The following STRN variants were observed in gnomAD, a reference collection of about 807,000 sequenced individuals.
The protein encoded by STRN is striatin, also known as protein phosphatase 2 regulatory subunit B'''alpha.
A neutral mutation model predicts 96.3 loss-of-function variants in STRN; 53 were observed. The ratio of observed to expected loss-of-function variants is 0.55; its 90% confidence interval spans 0.44 to 0.69. The LOEUF (loss-of-function observed/expected upper bound fraction) is 0.69, where lower values mean the gene tolerates loss of function less well. Among genes scored for constraint, STRN ranks in the 30% least tolerant of loss-of-function variants. STRN has a pLI of 0.00. For missense variants in STRN, 987 were observed against 963.9 expected, an observed-to-expected ratio of 1.02 and a Z score of -0.32; for synonymous variants, 428 against 355.9, an observed-to-expected ratio of 1.20 and a Z score of -2.28.
intron 1 of STRN, among the ~76,000 whole-genome samples, chr2:36,955,940 T>C (rs2148274708): frequency 6.6e-6 from 1 of 152,338 alleles, no homozygotes; most frequent in East Asian, 1.9e-4. Flanking sequence ...CTTTTCCCTA[T>C]GGGATACTAA....
chr2:36,899,843 C>T (rs1669638016), intron 5 of STRN, among the ~76,000 whole-genome samples, 185 bp from the exon 6 acceptor site: 1 of 152,160 alleles, frequency 6.6e-6, no homozygotes, highest in South Asian at 2.1e-4. Flanking sequence ...AGTGGATACT[C>T]TTTAAGTACT....
At chr2:36,889,185 A>G (rs1039428310) in intron 7 of STRN, among the ~76,000 whole-genome samples, 7 of 152,212 alleles carry the variant, frequency 4.6e-5, no homozygotes, top group Non-Finnish European at 8.8e-5. Context: ...CACTTGATCA[A>G]TATTTGTTGA....
intron 9 of STRN, among the ~76,000 whole-genome samples, chr2:36,878,473 T>A (rs563607431): frequency 6.6e-6 from 1 of 152,318 alleles, no homozygotes; most frequent in African/African-American, 2.4e-5. Context: ...TGGGTCAAAT[T>A]CTTAAATGTG....
intron 1 of STRN, among the ~76,000 whole-genome samples, chr2:36,959,201 A>G (rs748138850): frequency 1.3e-4 from 20 of 152,186 alleles, no homozygotes; most frequent in Non-Finnish European, 2.5e-4. Flanking sequence ...AATGCAACCA[A>G]TAAAATAAGC....
chr2:36,855,439 G>A, intron 14 of STRN, 87 bp from the exon 15 acceptor site: 1 of 1,407,182 alleles, frequency 7.1e-7, no homozygotes. Context: ...AAAATGGCAT[G>A]GTTTCCTTAA....
chr2:36,857,663 AAAAAC>A (rs113388415), intron 14 of STRN, among the ~76,000 whole-genome samples, 188 bp downstream of exon 14: 83 of 152,208 alleles, frequency 5.5e-4, no homozygotes, highest in South Asian at 2.3e-3. Context: ...CCGTCTCAAA[AAAAAC>A]AAAACAAAAC....
At chr2:36,885,886 G>C (rs1432491555) in intron 8 of STRN, among the ~76,000 whole-genome samples, 3 of 152,060 alleles carry the variant, frequency 2.0e-5, no homozygotes, top group East Asian at 3.9e-4. Flanking sequence ...ATAAAAGGGA[G>C]GCCCATATTG....
intron 3 of STRN, among the ~76,000 whole-genome samples, chr2:36,907,048 G>A (rs1405937630): frequency 1.3e-5 from 2 of 152,066 alleles, no homozygotes; most frequent in Non-Finnish European, 2.9e-5. Context: ...CTTTTTAGAA[G>A]GTGATAAAAT....
chr2:36,936,105 C>T (rs761767995), intron 1 of STRN, among the ~76,000 whole-genome samples: 8 of 151,970 alleles, frequency 5.3e-5, no homozygotes, highest in Non-Finnish European at 1.0e-4. Context: ...CTTATGATGC[C>T]TAATCCCCTG....
chr2:36,954,378 G>A (rs954271900), intron 1 of STRN, among the ~76,000 whole-genome samples: 1 of 151,894 alleles, frequency 6.6e-6, no homozygotes, highest in African/African-American at 2.4e-5. Context: ...TAGGTGTGGT[G>A]ATGGGTGCCT....
intron 1 of STRN, among the ~76,000 whole-genome samples, chr2:36,936,106 T>C (rs1206630177): frequency 6.6e-6 from 1 of 152,172 alleles, no homozygotes; most frequent in African/African-American, 2.4e-5. Flanking sequence ...TTATGATGCC[T>C]AATCCCCTGA....
At chr2:36,860,937 G>C (rs1407039835) in intron 13 of STRN, among the ~76,000 whole-genome samples, 195 bp downstream of exon 13, 2 of 152,108 alleles carry the variant, frequency 1.3e-5, no homozygotes, top group African/African-American at 4.8e-5. Context: ...TCAAGAATGT[G>C]TTCTTCTTTT....
rs898169650 is a variant in STRN, at chr2:36,839,546, G to A, written c.*9910C>T. On this transcript the variant is annotated 3_prime_UTR_variant, in exon 18 of 18. Transcript: ENST00000263918. Reference sequence around the variant, plus strand: ...TTGCTGGATGCTTATTTTATTAGGTGTTTTACATCCGTTATCTCAAATCAA... The same window carrying A: ...TTGCTGGATGCTTATTTTATTAGGTATTTTACATCCGTTATCTCAAATCAA... 2.6e-5 allele frequency among the ~76,000 whole-genome samples: 4 copies of A among 152,128 alleles called. No individual in the cohort carries two copies. The highest frequency in any genetic ancestry group is 5.9e-5 in the Non-Finnish European group (4 of 68,016).
chr2:36,899,015 C>G (rs1276112157), intron 6 of STRN, among the ~76,000 whole-genome samples: 5 of 152,088 alleles, frequency 3.3e-5, no homozygotes, highest in African/African-American at 1.2e-4. Context: ...ATTCCAAGAA[C>G]CTGCCATGGG....
At chr2:36,956,129 T>C (rs1664881438) in intron 1 of STRN, among the ~76,000 whole-genome samples, 2 of 152,206 alleles carry the variant, frequency 1.3e-5, no homozygotes, top group African/African-American at 2.4e-5. Flanking sequence ...ACAAAGAGAA[T>C]GTAAGTAGCT....
At chr2:36,923,140 GA>G (rs1165771368) in intron 2 of STRN, among the ~76,000 whole-genome samples, 349 of 121,282 alleles carry the variant, frequency 2.9e-3, no homozygotes, top group Middle Eastern at 5.6e-3. Context: ...AACTCCGTCT[GA>G]AAAAAAAAAA....
At chr2:36,861,726 C>A (rs989754502) in intron 12 of STRN, among the ~76,000 whole-genome samples, 2 of 57,128 alleles carry the variant, frequency 3.5e-5, no homozygotes, top group Non-Finnish European at 8.4e-5. Flanking sequence ...TGTATCATTG[C>A]GTGAGCACAC....
chr2:36,887,392 C>G (rs1463573966), intron 7 of STRN, among the ~76,000 whole-genome samples: 1 of 151,834 alleles, frequency 6.6e-6, no homozygotes, highest in Non-Finnish European at 1.5e-5. Context: ...CTCGCCTGAA[C>G]CCGGGAGGCG....
intron 7 of STRN, among the ~76,000 whole-genome samples, chr2:36,891,786 C>T (rs1308425638): frequency 6.6e-6 from 1 of 152,056 alleles, no homozygotes; most frequent in East Asian, 1.9e-4. Flanking sequence ...ATTAGGAAAC[C>T]TTTTCCTTGA....
Sources: allele counts gnomAD v4.1 joint callset (sites outside exome capture counted in the v4.1 genomes callset), GRCh38; gene constraint gnomAD v4.1.1; transcripts MANE v1.5; gene names NCBI Gene and HGNC (gene_info 2026-07-23, HGNC 2026-07-21).